DPP10: variants seen among roughly 807,000 people sequenced by gnomAD.
DPP10 encodes the protein dipeptidyl peptidase like 10.
DPP10 carries 33 observed loss-of-function variants against 120.9 expected under a neutral mutation model. The observed-to-expected ratio is 0.27, with a 90% confidence interval of 0.21 to 0.37. DPP10 has a LOEUF of 0.37. Ranked by LOEUF, DPP10 falls within the 10% of genes least tolerant of loss-of-function variation. DPP10 has a pLI of 1.00. For missense variants in DPP10, 816 were observed against 942.8 expected, an observed-to-expected ratio of 0.87 and a Z score of 1.76; for synonymous variants, 337 against 326.1, an observed-to-expected ratio of 1.03 and a Z score of -0.36.
intron 4 of DPP10, among the ~76,000 whole-genome samples, chr2:115,505,355 C>T (rs1042421803): frequency 1.4e-4 from 21 of 152,028 alleles, no homozygotes; most frequent in African/African-American, 4.8e-4. Context: ...TGAACTAGAG[C>T]TTGGTTCAAT....
intron 3 of DPP10, among the ~76,000 whole-genome samples, chr2:115,371,267 T>C (rs956657019): frequency 2.6e-5 from 4 of 152,152 alleles, no homozygotes; most frequent in African/African-American, 7.2e-5. Flanking sequence ...GAACTGCTTA[T>C]GCTTCTCAAA....
chr2:115,474,836 G>A (rs2074971271), intron 3 of DPP10, among the ~76,000 whole-genome samples: 2 of 151,800 alleles, frequency 1.3e-5, no homozygotes, highest in African/African-American at 4.8e-5. Context: ...TGGGGAAAGA[G>A]CCTCCAAGGC....
chr2:114,838,479 A>AT (rs1158784465), intron 1 of DPP10, among the ~76,000 whole-genome samples: 1 of 151,772 alleles, frequency 6.6e-6, no homozygotes, highest in African/African-American at 2.4e-5. Flanking sequence ...CGCCTAGCTA[A>AT]TTTTTTTGGA....
At chr2:115,563,299 C>A (rs1252239245) in intron 5 of DPP10, among the ~76,000 whole-genome samples, 2 of 151,990 alleles carry the variant, frequency 1.3e-5, no homozygotes, top group Admixed American at 1.3e-4. Flanking sequence ...TGTTAGATCT[C>A]GTAAATATCA....
chr2:115,488,887 A>T (rs1447751304), intron 3 of DPP10, among the ~76,000 whole-genome samples: 1 of 79,902 alleles, frequency 1.3e-5, no homozygotes, highest in South Asian at 5.2e-4. Flanking sequence ...TAATAAAAAA[A>T]AAAAAAAAAA....
intron 1 of DPP10, among the ~76,000 whole-genome samples, chr2:115,219,345 A>G (rs1488191843): frequency 1.3e-5 from 2 of 152,146 alleles, no homozygotes; most frequent in East Asian, 3.9e-4. Flanking sequence ...TAATTTTTGT[A>G]CATGAATCAT....
chr2:115,171,729 CA>C (rs368009675), intron 1 of DPP10, among the ~76,000 whole-genome samples: 21 of 141,798 alleles, frequency 1.5e-4, no homozygotes, highest in Middle Eastern at 3.5e-3. Context: ...AAAAAAAAAA[CA>C]AAAAAAAAAC....
intron 3 of DPP10, among the ~76,000 whole-genome samples, chr2:115,425,230 A>G (rs1408814274): frequency 1.3e-5 from 2 of 152,188 alleles, no homozygotes; most frequent in East Asian, 3.9e-4. Context: ...ATGAGGTGGC[A>G]AGGGGTAGTT....
At chr2:114,865,940 C>T (rs1214041461) in intron 1 of DPP10, among the ~76,000 whole-genome samples, 1 of 151,778 alleles carries the variant, frequency 6.6e-6, no homozygotes, top group African/African-American at 2.4e-5. Context: ...TGGAGAAATC[C>T]CATGTCTACT....
chr2:114,627,027 TTC>T (rs1694564449), intron 1 of DPP10, among the ~76,000 whole-genome samples: 1 of 152,110 alleles, frequency 6.6e-6, no homozygotes, highest in Non-Finnish European at 1.5e-5. Flanking sequence ...TTTCTTTTTT[TTC>T]TGTTACAATT....
At chr2:114,549,685 AG>A (rs1436825817) in intron 1 of DPP10, among the ~76,000 whole-genome samples, 13 of 68,346 alleles carry the variant, frequency 1.9e-4, no homozygotes, top group East Asian at 8.5e-4. Flanking sequence ...AAAAAAAAAA[AG>A]AGAGAGAGAA....
In DPP10 at chr2:115,511,429, T is replaced by C. The variant is rs151313591; in HGVS notation, c.366+11825T>C. Among the ~76,000 whole-genome samples the C allele has an allele frequency of 3.2e-3, 482 of 152,232 alleles. 3 individuals are homozygous for C. The highest frequency in any genetic ancestry group is 0.011 in the African/African-American group (457 of 41,564). On this transcript the variant is annotated intron_variant, in intron 4 of 25. Transcript: ENST00000410059. ...ATACTGATGCCTCTTCTTTCATGCC[T>C]GATTTTAGTAATTTGAATCTTGTTA...
At chr2:115,597,503 A>G (rs1325881114) in intron 5 of DPP10, among the ~76,000 whole-genome samples, 2 of 151,238 alleles carry the variant, frequency 1.3e-5, no homozygotes, top group African/African-American at 4.9e-5. Flanking sequence ...GGATCCAAAA[A>G]GAGAAAAAAC....
At chr2:114,666,078 G>C (rs1055268043) in intron 1 of DPP10, among the ~76,000 whole-genome samples, 1 of 151,988 alleles carries the variant, frequency 6.6e-6, no homozygotes, top group South Asian at 2.1e-4. Context: ...ACTAGTTATT[G>C]GTACTTACTT....
At chr2:115,280,588 G>T (rs559671673) in intron 1 of DPP10, among the ~76,000 whole-genome samples, 7 of 152,296 alleles carry the variant, frequency 4.6e-5, no homozygotes, top group Non-Finnish European at 5.9e-5. Context: ...TAAAAAGCAA[G>T]ATGTCATATG....
chr2:115,722,352 T>C lies in DPP10; in HGVS notation c.577-5464T>C, dbSNP rs573755020. On this transcript the variant is annotated intron_variant, in intron 7 of 25. Coordinates refer to ENST00000410059, the MANE Select transcript of DPP10 (RefSeq NM_020868.6). ...CTGTACCCCACTGTACCTCCTCCCA[T>C]ATTAAAAGGCAAACACAGATCCTTC... 5.4e-4 allele frequency among the ~76,000 whole-genome samples: 82 copies of C among 151,810 alleles called. 1 individual carries two copies. The South Asian group carries it at 0.015, about 28-fold the overall frequency.
intron 10 of DPP10, among the ~76,000 whole-genome samples, chr2:115,752,246 G>C (rs1243774918): frequency 1.3e-5 from 2 of 152,172 alleles, no homozygotes; most frequent in Non-Finnish European, 2.9e-5. Flanking sequence ...TAACTGATCT[G>C]TTCTGAAACT....
At chr2:114,770,220 G>A (rs749317392) in intron 1 of DPP10, among the ~76,000 whole-genome samples, 36 of 152,118 alleles carry the variant, frequency 2.4e-4, no homozygotes, top group African/African-American at 7.2e-4. Context: ...GAGTGAGCCC[G>A]GAAGAGGGAT....
At chr2:114,693,301 TG>T (rs1287353915) in intron 1 of DPP10, among the ~76,000 whole-genome samples, 1 of 151,996 alleles carries the variant, frequency 6.6e-6, no homozygotes, top group Non-Finnish European at 1.5e-5. Context: ...AGGATTTGCT[TG>T]TCTGTAAAGG....
Sources: allele counts gnomAD v4.1 joint callset (sites outside exome capture counted in the v4.1 genomes callset), GRCh38; gene constraint gnomAD v4.1.1; transcripts MANE v1.5; gene names NCBI Gene and HGNC (gene_info 2026-07-23, HGNC 2026-07-21).